INSYN2B: variants seen among roughly 807,000 people sequenced by gnomAD.
The protein encoded by INSYN2B is protein INSYN2B.
In INSYN2B, 16 loss-of-function variants were observed where a neutral mutation model predicts 41.2. That is an observed-to-expected ratio of 0.39 (90% confidence interval 0.26 to 0.59). The LOEUF (loss-of-function observed/expected upper bound fraction) is 0.59. Among genes scored for constraint, INSYN2B ranks in the 20% least tolerant of loss-of-function variants. The pLI is 0.57. For missense variants in INSYN2B, 608 were observed against 646.4 expected, an observed-to-expected ratio of 0.94 and a Z score of 0.64; for synonymous variants, 245 against 244.4, an observed-to-expected ratio of 1.00 and a Z score of -0.02.
intron 1 of INSYN2B, among the ~76,000 whole-genome samples, chr5:169,919,614 G>A (rs538528574): frequency 1.3e-5 from 2 of 152,282 alleles, no homozygotes; most frequent in Non-Finnish European, 2.9e-5. Flanking sequence ...ATGGTGAGAA[G>A]GGTTTCCCTG....
intron 1 of INSYN2B, among the ~76,000 whole-genome samples, chr5:169,887,809 T>A (rs1773057527): frequency 6.6e-6 from 1 of 152,238 alleles, no homozygotes; most frequent in Non-Finnish European, 1.5e-5. Context: ...ATGTTACCAC[T>A]CATCCTTCTA....
intron 1 of INSYN2B, among the ~76,000 whole-genome samples, chr5:169,959,846 T>C (rs1478403996): frequency 6.6e-6 from 1 of 152,030 alleles, no homozygotes; most frequent in Admixed American, 6.6e-5. Flanking sequence ...AATACAACAA[T>C]AGGATGGAAA....
intron 1 of INSYN2B, among the ~76,000 whole-genome samples, chr5:169,977,912 G>T (rs1295395694): frequency 1.3e-5 from 2 of 152,076 alleles, no homozygotes; most frequent in Non-Finnish European, 2.9e-5. Flanking sequence ...TTTCATCCAA[G>T]AATAAAATCT....
chr5:169,945,556 G>C (rs1776413858), intron 1 of INSYN2B, among the ~76,000 whole-genome samples: 1 of 152,198 alleles, frequency 6.6e-6, no homozygotes. Context: ...ATAGTATTGT[G>C]CTCATTTCGA....
At chr5:169,972,870 C>T (rs1049600460) in intron 1 of INSYN2B, among the ~76,000 whole-genome samples, 3 of 152,136 alleles carry the variant, frequency 2.0e-5, no homozygotes, top group Non-Finnish European at 2.9e-5. Context: ...TTGAGCAATG[C>T]AGAGTTTGCA....
intron 1 of INSYN2B, among the ~76,000 whole-genome samples, chr5:169,952,992 T>C (rs1234275132): frequency 2.0e-5 from 3 of 152,216 alleles, no homozygotes; most frequent in South Asian, 2.1e-4. Context: ...TACTTATTTA[T>C]TGAATTGTTT....
In INSYN2B at chr5:169,939,803, T is replaced by TA. The variant is rs78337958; in HGVS notation, c.-919+40473dup. 7.9e-3 allele frequency among the ~76,000 whole-genome samples: 1,210 copies of TA among 152,222 alleles called. 59 individuals are homozygous for TA. The East Asian group carries it at 0.13, about 17-fold the overall frequency. ...AGGTCCCTAAAAAATATAAGAAAGG[T>TA]AAAAAAAGTCAACCTAGAGTTAGCT... On this transcript the variant is annotated intron_variant, in intron 1 of 3. Transcript: ENST00000377365.
At chr5:169,886,794 T>C (rs540992264) in intron 1 of INSYN2B, among the ~76,000 whole-genome samples, 4 of 152,222 alleles carry the variant, frequency 2.6e-5, no homozygotes, top group Non-Finnish European at 5.9e-5. Flanking sequence ...TGTTTTTTGC[T>C]TTCTTCTTAA....
At chr5:169,905,020 A>AATG (rs1315116777) in intron 1 of INSYN2B, among the ~76,000 whole-genome samples, 1 of 152,182 alleles carries the variant, frequency 6.6e-6, no homozygotes, top group Non-Finnish European at 1.5e-5. Context: ...CTCATATGAA[A>AATG]ATGAAGATAG....
At chr5:169,907,596 C>G (rs2113607698) in intron 1 of INSYN2B, among the ~76,000 whole-genome samples, 1 of 152,284 alleles carries the variant, frequency 6.6e-6, no homozygotes, top group South Asian at 2.1e-4. Context: ...ACAAACAACC[C>G]AGTATGTTGG....
intron 3 of INSYN2B, among the ~76,000 whole-genome samples, chr5:169,868,401 A>G (rs1465157972): frequency 6.6e-6 from 1 of 152,236 alleles, no homozygotes; most frequent in Non-Finnish European, 1.5e-5. Flanking sequence ...CATAATTCAA[A>G]TAAACAAACA....
At chr5:169,903,412 T>C (rs1774067490) in intron 1 of INSYN2B, among the ~76,000 whole-genome samples, 1 of 149,730 alleles carries the variant, frequency 6.7e-6, no homozygotes, top group Non-Finnish European at 1.5e-5. Context: ...TGGAGCAGCA[T>C]GCATCCCTGA....
At chr5:169,940,765 T>C (rs1561840089) in intron 1 of INSYN2B, among the ~76,000 whole-genome samples, 1 of 152,140 alleles carries the variant, frequency 6.6e-6, no homozygotes, top group East Asian at 1.9e-4. Context: ...GGAGCAGCTG[T>C]AAATACAGAT....
At chr5:169,918,222 G>C (rs1469043317) in intron 1 of INSYN2B, among the ~76,000 whole-genome samples, 1 of 152,182 alleles carries the variant, frequency 6.6e-6, no homozygotes, top group Admixed American at 6.5e-5. Flanking sequence ...TGCACATCCT[G>C]TTTTGTCTAG....
intron 3 of INSYN2B, among the ~76,000 whole-genome samples, chr5:169,874,969 C>T (rs979984973): frequency 6.6e-6 from 1 of 152,106 alleles, no homozygotes; most frequent in African/African-American, 2.4e-5. Flanking sequence ...CCTCCATTCT[C>T]ACCTTTACCC....
intron 1 of INSYN2B, among the ~76,000 whole-genome samples, chr5:169,923,060 T>C (rs1561826695): frequency 6.6e-6 from 1 of 152,194 alleles, no homozygotes; most frequent in African/African-American, 2.4e-5. Context: ...GCTAAATAAT[T>C]CCCTGGGGGA....
chr5:169,867,327 C>A (rs1401310400), intron 3 of INSYN2B, among the ~76,000 whole-genome samples: 1 of 152,122 alleles, frequency 6.6e-6, no homozygotes, highest in East Asian at 1.9e-4. Flanking sequence ...GCTCCTGAGG[C>A]CTAACTCACC....
chr5:169,927,454 T>G (rs1164051877), intron 1 of INSYN2B, among the ~76,000 whole-genome samples: 2 of 152,192 alleles, frequency 1.3e-5, no homozygotes, highest in Non-Finnish European at 2.9e-5. Context: ...GACCAGACTT[T>G]GAGAACCACT....
Position 169,957,492 on chromosome 5 carries a change from C to T in INSYN2B, c.-919+22785G>A, listed in dbSNP as rs76771581. Among the ~76,000 whole-genome samples the T allele has an allele frequency of 7.0e-3, 1,060 of 152,302 alleles. 11 individuals are homozygous for T. The highest frequency in any genetic ancestry group is 0.024 in the African/African-American group (1,006 of 41,550). Reference sequence around the variant, plus strand: ...CCTGTAAGGAGAAGTATACCATTCCCACTGAACAGATGAGAAAACTGAGGC... The same window carrying T: ...CCTGTAAGGAGAAGTATACCATTCCTACTGAACAGATGAGAAAACTGAGGC... On this transcript the variant is annotated intron_variant, in intron 1 of 3. Transcript: ENST00000377365.
Sources: gnomAD v4.1 joint callset for allele counts (sites outside exome capture counted in the v4.1 genomes callset) on GRCh38, gnomAD v4.1.1 for gene constraint, MANE v1.5 for transcripts, NCBI Gene and HGNC (gene_info 2026-07-23, HGNC 2026-07-21) for gene names.